Variants in STK4 observed in about 807,000 individuals in gnomAD.
STK4 encodes serine/threonine-protein kinase 4.
STK4 carries 30 observed loss-of-function variants against 64.9 expected under a neutral mutation model. The observed-to-expected ratio is 0.46, with a 90% CI of 0.35 to 0.63. The LOEUF (loss-of-function observed/expected upper bound fraction) is 0.63, where lower values mean the gene tolerates loss of function less well. STK4 is among the 20% of genes least tolerant of loss of function. The pLI is 0.01. For missense variants in STK4, 466 were observed against 598.5 expected (o/e 0.78, Z 2.31); for synonymous variants, 177 against 199.0 (o/e 0.89, Z 0.93).
chr20:44,987,338 T>C, intron 5 of STK4, 42 bp downstream of exon 5: 1 of 1,558,652 alleles, frequency 6.4e-7, no homozygotes, highest in Non-Finnish European at 8.7e-7. Context: ...TTCATTTCTG[T>C]CCTGAGAAGC....
At chr20:45,002,758 G>A (rs1315778414) in intron 9 of STK4, among the ~76,000 whole-genome samples, 1 of 152,094 alleles carries the variant, frequency 6.6e-6, no homozygotes. Context: ...AAAGCAATTA[G>A]TAAACACTTT....
rs975061316 is a variant in STK4, at chr20:45,013,705, T to A, written c.1148-11268T>A. 1.2e-4 allele frequency among the ~76,000 whole-genome samples: 19 copies of A among 152,304 alleles called. 1 individual carries two copies. The highest frequency in any genetic ancestry group is 4.6e-4 in the African/African-American group (19 of 41,582). ...TGCTTTGTGTGTCTTAAAAATAATG[T>A]ATTTTCTAATTGTTTGGTGCAGGAA... On this transcript the variant is annotated intron_variant, in intron 9 of 10. Coordinates refer to ENST00000372806, the MANE Select transcript of STK4 (RefSeq NM_006282.5).
intron 9 of STK4, among the ~76,000 whole-genome samples, chr20:45,017,284 A>G (rs969117399): frequency 1.3e-5 from 2 of 152,206 alleles, no homozygotes; most frequent in African/African-American, 4.8e-5. Context: ...CCTTATGTGT[A>G]TAGAGCATTA....
At chr20:45,009,364 C>A (rs961954261) in intron 9 of STK4, among the ~76,000 whole-genome samples, 3 of 152,108 alleles carry the variant, frequency 2.0e-5, no homozygotes, top group Admixed American at 6.5e-5. Flanking sequence ...AGGTTTATTT[C>A]TGAGTTTCCT....
intron 9 of STK4, among the ~76,000 whole-genome samples, chr20:45,021,689 A>G (rs920349524): frequency 5.9e-5 from 9 of 152,224 alleles, no homozygotes; most frequent in African/African-American, 2.2e-4. Context: ...CAAAAAATCC[A>G]AAGAATCAGA....
Position 44,966,546 on chromosome 20 carries a change from T to A in STK4, c.-23T>A. ...GCGGGAGGATGGAGCAGTGAGCGGGTCTGGGCGGCTGCTGGCAGCGCCATG... is the reference window on the plus strand; with the variant it reads ...GCGGGAGGATGGAGCAGTGAGCGGGACTGGGCGGCTGCTGGCAGCGCCATG... On this transcript the variant is annotated 5_prime_UTR_variant, in exon 1 of 11. Coordinates refer to ENST00000372806, the MANE Select transcript of STK4 (RefSeq NM_006282.5). 7.9e-7 allele frequency: 1 copy of A among 1,265,092 alleles called. No homozygotes were observed. Among genetic ancestry groups the A allele is most frequent in the Non-Finnish European group, 1.0e-6 (1 of 995,882 alleles). The allele number at this position is 1,265,092 out of a possible 1,614,324, so 78.4% of individuals were successfully genotyped here. A position where few individuals can be genotyped will look rare whatever the true frequency, so the allele number is the denominator to read the frequency against.
At chr20:44,993,000 A>G (rs2067662937) in intron 5 of STK4, among the ~76,000 whole-genome samples, 1 of 152,110 alleles carries the variant, frequency 6.6e-6, no homozygotes, top group South Asian at 2.1e-4. Context: ...CTGACTGTCT[A>G]ATGTACTTCT....
At chr20:45,026,128 G>GGTTTTTTTTTTTTTTTTTTTT (rs1490924969) in intron 10 of STK4, among the ~76,000 whole-genome samples, 4 of 128,980 alleles carry the variant, frequency 3.1e-5, no homozygotes, top group African/African-American at 1.2e-4. Context: ...TTATCCAGTG[G>GGTTTTTTTTTTTTTTTTTTTT]TTTTTTTTTT....
rs185045488 is a variant in STK4, at chr20:44,977,499, G to T, written c.117-944G>T. ...CAGGATTCCAATGAAAATGTTATCT[G>T]TATAAAGTGATGATGGTATCTCATT... On this transcript the variant is annotated intron_variant, in intron 2 of 10. Transcript: ENST00000372806. Among the ~76,000 whole-genome samples the T allele has an allele frequency of 1.4e-3, 211 of 152,172 alleles. 1 individual carries two copies. The highest frequency in any genetic ancestry group is 2.4e-3 in the Non-Finnish European group (163 of 68,010).
chr20:44,968,157 A>G (rs1482516548), intron 1 of STK4, among the ~76,000 whole-genome samples: 1 of 147,058 alleles, frequency 6.8e-6, no homozygotes, highest in African/African-American at 2.5e-5. Flanking sequence ...TTTTTTTTTG[A>G]GACGGAGTCT....
chr20:44,977,344 G>A (rs1178928140), intron 2 of STK4, among the ~76,000 whole-genome samples: 1 of 152,052 alleles, frequency 6.6e-6, no homozygotes, highest in Non-Finnish European at 1.5e-5. Flanking sequence ...GGCAGTTAGA[G>A]TATTGTACTT....
At chr20:45,026,299 G>A (rs914026890) in intron 10 of STK4, among the ~76,000 whole-genome samples, 3 of 148,486 alleles carry the variant, frequency 2.0e-5, no homozygotes, top group African/African-American at 7.6e-5. Context: ...AAGCAAAAGG[G>A]AGGTTAGGAG....
intron 10 of STK4, chr20:45,052,937 T>G (rs1479978032): frequency 1.6e-6 from 1 of 616,962 alleles, no homozygotes; most frequent in Non-Finnish European, 2.8e-6. Flanking sequence ...CAGTTTCTGG[T>G]GAGAAGACTA....
At chr20:45,044,368 C>T (rs1199686261) in intron 10 of STK4, among the ~76,000 whole-genome samples, 3 of 152,092 alleles carry the variant, frequency 2.0e-5, no homozygotes, top group African/African-American at 4.8e-5. Flanking sequence ...ATAAAATTAC[C>T]GAACCAGTGG....
At chr20:45,069,263 A>G (rs1196985740) in intron 10 of STK4, among the ~76,000 whole-genome samples, 1 of 152,154 alleles carries the variant, frequency 6.6e-6, no homozygotes. Context: ...TTCCACTGTG[A>G]TCTCTCCCAG....
intron 10 of STK4, among the ~76,000 whole-genome samples, chr20:45,071,395 A>G (rs1043207581): frequency 1.3e-5 from 2 of 152,218 alleles, no homozygotes; most frequent in African/African-American, 4.8e-5. Flanking sequence ...TGGCGCCATG[A>G]AACTATTGTC....
At chr20:45,026,856 G>C (rs1248424557) in intron 10 of STK4, among the ~76,000 whole-genome samples, 1 of 152,102 alleles carries the variant, frequency 6.6e-6, no homozygotes, top group Non-Finnish European at 1.5e-5. Context: ...ACTGAATCAG[G>C]GTTCAGCTTC....
intron 2 of STK4, chr20:44,975,214 T>C (rs1260578344): frequency 4.2e-6 from 1 of 237,418 alleles, no homozygotes; most frequent in African/African-American, 2.3e-5. Context: ...CTGCTGTCAG[T>C]TGTAATTCAT....
At position 45,001,238 on chromosome 20, in the gene STK4, C is replaced by T. The variant is rs762049184; in HGVS notation, c.1032C>T (p.Ala344=). ...VGDEMGTVRV[A]STMTDGANTM... ...ATGAGATGGGCACTGTCCGAGTAGC[C>T]AGCACCATGACTGATGGAGCCAATA... The change falls in exon 9 of 11, where the codon GCC becomes GCT. Residue 344 remains alanine, a synonymous_variant. Transcript: ENST00000372806. 6.2e-7 allele frequency: 1 copy of T among 1,614,104 alleles called. No individual in the cohort carries two copies. Among genetic ancestry groups the T allele is most frequent in the Non-Finnish European group, 8.5e-7 (1 of 1,180,008 alleles).
Sources: allele counts gnomAD v4.1 joint callset (sites outside exome capture counted in the v4.1 genomes callset), GRCh38; gene constraint gnomAD v4.1.1; transcripts MANE v1.5; gene names NCBI Gene and HGNC (gene_info 2026-07-23, HGNC 2026-07-21).